Variants in MEGF10 observed in about 807,000 individuals in gnomAD.
The protein encoded by MEGF10 is multiple epidermal growth factor-like domains protein 10.
MEGF10 carries 86 observed loss-of-function variants against 147.5 expected under a neutral mutation model. The ratio of observed to expected loss-of-function variants is 0.58; its 90% CI spans 0.49 to 0.70. MEGF10 has a LOEUF of 0.70. MEGF10 is among the 30% of genes least tolerant of loss of function. The probability of loss-of-function intolerance (pLI) is 0.00; values close to 1 mark genes in which losing one functional copy is unlikely to be tolerated. For synonymous variants in MEGF10, 478 were observed against 525.5 expected (o/e 0.91, Z 1.24); for missense variants, 1,329 against 1,487.3 (o/e 0.89, Z 1.75).
At chr5:127,446,434 A>G (rs1765944457) in intron 20 of MEGF10, among the ~76,000 whole-genome samples, 1 of 152,204 alleles carries the variant, frequency 6.6e-6, no homozygotes, top group Non-Finnish European at 1.5e-5. Flanking sequence ...TCAGTGCAGA[A>G]TTATTGTGTC....
chr5:127,239,474 ATAAT>A, the MEGF10 span, among the ~76,000 whole-genome samples: 1 of 144,008 alleles, frequency 6.9e-6, no homozygotes, highest in Non-Finnish European at 1.5e-5. Context: ...ATATATATAT[ATAAT>A]ATATATACAC....
At chr5:127,322,125 T>G (rs1333956802) in intron 1 of MEGF10, among the ~76,000 whole-genome samples, 2 of 151,116 alleles carry the variant, frequency 1.3e-5, no homozygotes, top group Non-Finnish European at 2.9e-5. Context: ...AAAAAAGCCC[T>G]AAGTCTTCTT....
intron 5 of MEGF10, among the ~76,000 whole-genome samples, chr5:127,386,775 G>C (rs1371432603): frequency 6.6e-6 from 1 of 152,210 alleles, no homozygotes; most frequent in Admixed American, 6.5e-5. Context: ...CGTTAGTGCA[G>C]CTTCATACAC....
At chr5:127,279,526 C>A in the MEGF10 span, among the ~76,000 whole-genome samples, 4 of 151,896 alleles carry the variant, frequency 2.6e-5, no homozygotes, top group Non-Finnish European at 4.4e-5. Context: ...AGCAAGCCAC[C>A]CCTCAGCCAC....
At chr5:127,317,060 A>G (rs1394304553) in intron 1 of MEGF10, among the ~76,000 whole-genome samples, 1 of 152,226 alleles carries the variant, frequency 6.6e-6, no homozygotes, top group East Asian at 1.9e-4. Context: ...CGACATATAC[A>G]TGAGTTTGTT....
At chr5:127,307,598 C>CT (rs2126727906) in intron 1 of MEGF10, among the ~76,000 whole-genome samples, 1 of 152,316 alleles carries the variant, frequency 6.6e-6, no homozygotes, top group South Asian at 2.1e-4. Context: ...AAGAGCTCTA[C>CT]TGACATGTCT....
At chr5:127,381,290 T>A (rs1034697647) in intron 5 of MEGF10, among the ~76,000 whole-genome samples, 1 of 152,212 alleles carries the variant, frequency 6.6e-6, no homozygotes, top group Non-Finnish European at 1.5e-5. Flanking sequence ...ATTTCATTAA[T>A]CTTCTTAGAC....
the MEGF10 span, among the ~76,000 whole-genome samples, chr5:127,245,152 A>G: frequency 6.6e-6 from 1 of 152,220 alleles, no homozygotes; most frequent in African/African-American, 2.4e-5. Context: ...TAGCCAAGAC[A>G]ATCCTAAGCA....
At chr5:127,404,018 A>G (rs1764230247) in intron 8 of MEGF10, among the ~76,000 whole-genome samples, 1 of 152,084 alleles carries the variant, frequency 6.6e-6, no homozygotes, top group African/African-American at 2.4e-5. Flanking sequence ...GAACCTCCAA[A>G]CTGTTCTCCA....
At chr5:127,370,972 T>G (rs1762824913) in intron 5 of MEGF10, among the ~76,000 whole-genome samples, 1 of 152,238 alleles carries the variant, frequency 6.6e-6, no homozygotes, top group Non-Finnish European at 1.5e-5. Context: ...GAAATTAGTC[T>G]GAATGGACTT....
intron 5 of MEGF10, among the ~76,000 whole-genome samples, chr5:127,392,130 T>C (rs1464286636): frequency 6.6e-6 from 1 of 152,248 alleles, no homozygotes; most frequent in Non-Finnish European, 1.5e-5. Flanking sequence ...TTTCCTGAGC[T>C]GCATTTCGAA....
chr5:127,367,351 G>T (rs1278454161), intron 4 of MEGF10, among the ~76,000 whole-genome samples: 2 of 152,174 alleles, frequency 1.3e-5, no homozygotes, highest in Non-Finnish European at 2.9e-5. Flanking sequence ...AGGTTGCTCT[G>T]ATGGAATCCA....
intron 7 of MEGF10, among the ~76,000 whole-genome samples, chr5:127,399,403 A>G (rs1764044870): frequency 6.6e-6 from 1 of 152,256 alleles, no homozygotes; most frequent in African/African-American, 2.4e-5. Context: ...ACACAGTGAC[A>G]ATTAGCTTCA....
chr5:127,317,592 G>A (rs1580704916), intron 1 of MEGF10, among the ~76,000 whole-genome samples: 2 of 152,098 alleles, frequency 1.3e-5, no homozygotes, highest in African/African-American at 4.8e-5. Context: ...GAGTTCATGT[G>A]CTTTGCAGGG....
intron 5 of MEGF10, among the ~76,000 whole-genome samples, chr5:127,395,867 T>C (rs1278577301): frequency 3.3e-5 from 5 of 152,132 alleles, no homozygotes; most frequent in Non-Finnish European, 7.4e-5. Flanking sequence ...ATCAGTAGTT[T>C]ACTTCTTAGA....
the MEGF10 span, among the ~76,000 whole-genome samples, chr5:127,247,386 GA>G: frequency 0.014 from 341 of 23,696 alleles, 52 homozygotes; most frequent in Middle Eastern, 0.079. Context: ...AGAAGAAGAA[GA>G]AGAAGAAGAA....
rs1352086381 is a variant in MEGF10, at chr5:127,419,272, T to A, written c.1426+32T>A. 3 of 1,604,498 alleles carry A rather than the reference T, an allele frequency of 1.9e-6. No homozygotes were observed. The African/African-American group carries it at 4.0e-5, about 22-fold the overall frequency. ...ATGGGTAAATAAGTCTTTAATTTGA[T>A]CCTGGTCACGTTATCTCCTAAAGAC... On this transcript the variant is annotated intron_variant, in intron 11 of 24. Coordinates refer to ENST00000503335, the MANE Select transcript of MEGF10 (RefSeq NM_001256545.2).
intron 9 of MEGF10, among the ~76,000 whole-genome samples, chr5:127,412,860 T>G (rs1240099150): frequency 1.3e-5 from 2 of 152,194 alleles, no homozygotes; most frequent in African/African-American, 2.4e-5. Context: ...GTCCTGGATA[T>G]CCTCACTCAC....
At chr5:127,310,530 C>A (rs1760244624) in intron 1 of MEGF10, among the ~76,000 whole-genome samples, 1 of 152,038 alleles carries the variant, frequency 6.6e-6, no homozygotes, top group South Asian at 2.1e-4. Context: ...CTCTGTAATA[C>A]CACAAAAACC....
Sources: allele counts gnomAD v4.1 joint callset (sites outside exome capture counted in the v4.1 genomes callset), GRCh38; gene constraint gnomAD v4.1.1; transcripts MANE v1.5; gene names NCBI Gene and HGNC (gene_info 2026-07-23, HGNC 2026-07-21).